Variants in MRPS14 observed in about 807,000 individuals in gnomAD.
The protein encoded by MRPS14 is small ribosomal subunit protein uS14m.
Under a neutral mutation model 16.4 loss-of-function variants are expected in MRPS14, and 14 were observed. The ratio of observed to expected loss-of-function variants is 0.85; its 90% CI spans 0.56 to 1.33. MRPS14 has a LOEUF of 1.33. Among genes scored for constraint, MRPS14 ranks in the 40% most tolerant of loss-of-function variants. The pLI is 0.00. For missense variants in MRPS14, 162 were observed against 176.8 expected, an observed-to-expected ratio of 0.92 and a Z score of 0.48; for synonymous variants, 54 against 61.9, an observed-to-expected ratio of 0.87 and a Z score of 0.60.
chr1:175,013,628 A>G lies in MRPS14; in HGVS notation c.*1041T>C, dbSNP rs1672824031. The G allele has an allele frequency of 6.6e-6, 1 of 152,178 alleles. No homozygotes were observed. The highest frequency in any genetic ancestry group is 2.4e-5 in the African/African-American group (1 of 41,432). The allele number at this position is 152,178 out of a possible 1,614,324, so 9.4% of individuals were successfully genotyped here. On this transcript the variant is annotated 3_prime_UTR_variant, in exon 3 of 3. Transcript: ENST00000476371. ...TGCCACACAGCTGTCACTTACCTGT[A>G]TTACAAACTGATGATGTCATTCCTG...
intron 1 of MRPS14, 84 bp downstream of exon 1, chr1:175,023,280 A>G (rs1673013649): frequency 1.9e-6 from 3 of 1,576,244 alleles, no homozygotes. Context: ...ACCGAGCACT[A>G]CAGGTGGCAG....
chr1:175,017,812 C>T (rs1231753050), intron 2 of MRPS14, among the ~76,000 whole-genome samples: 3 of 152,144 alleles, frequency 2.0e-5, no homozygotes, highest in Non-Finnish European at 4.4e-5. Context: ...GCAATGCCTC[C>T]CAATGCCTTG....
At position 175,013,547 on chromosome 1, in the gene MRPS14, T is replaced by G. The variant is rs1672821939; in HGVS notation, c.*1122A>C. 1 of 152,214 alleles carries G rather than the reference T, an allele frequency of 6.6e-6. No individual in the cohort carries two copies. 9.4% of individuals were successfully genotyped at this position (152,214 alleles called of 1,614,324 possible). A position where few individuals can be genotyped will look rare whatever the true frequency, so the allele number is the denominator to read the frequency against. Reference sequence around the variant, plus strand: ...TCAGGCCTTCATCTTCCTCAACAACTAAGACATCCTCCTAACTGGTTGTCT... The same window carrying G: ...TCAGGCCTTCATCTTCCTCAACAACGAAGACATCCTCCTAACTGGTTGTCT... On this transcript the variant is annotated 3_prime_UTR_variant, in exon 3 of 3. Transcript: ENST00000476371.
rs144024498 is a variant in MRPS14 at position 175,014,822 on chromosome 1, G to A, written c.234C>T (p.Leu78=). ...QDVADEEIAA[L]PRDSCPVRIR... ...TTCTAACAGGACAGCTATCCCGGGG[G>A]AGGGCAGCAATTTCTTCATCAGCCA... The change falls in exon 3 of 3, where the codon CTC becomes CTT. Residue 78 remains leucine, a synonymous_variant. Coordinates refer to ENST00000476371, the MANE Select transcript of MRPS14 (RefSeq NM_022100.3). The A allele has an allele frequency of 2.5e-5, 40 of 1,613,912 alleles. No homozygotes were observed. The highest frequency in any genetic ancestry group is 3.3e-5 in the Non-Finnish European group (39 of 1,179,984).
In MRPS14 at chr1:175,014,484, T is replaced by C. The variant is rs185719379; in HGVS notation, c.*185A>G. 1 of 540,648 alleles carries C rather than the reference T, an allele frequency of 1.8e-6. No individual in the cohort carries two copies. Among genetic ancestry groups the C allele is most frequent in the Non-Finnish European group, 3.2e-6 (1 of 312,324 alleles). 33.5% of individuals were successfully genotyped at this position (540,648 alleles called of 1,614,324 possible). A position where few individuals can be genotyped will look rare whatever the true frequency, so the allele number is the denominator to read the frequency against. ...TGTTTGTTAAGTCCAAGAGAAAAGA[T>C]AATTCACTGACATGAAACACCCAAA... On this transcript the variant is annotated 3_prime_UTR_variant, in exon 3 of 3. Transcript: ENST00000476371.
chr1:175,023,369 T>C lies in MRPS14; in HGVS notation c.40A>G (p.Lys14Glu), dbSNP rs1260870156. The C allele has an allele frequency of 9.3e-6, 15 of 1,613,968 alleles. No homozygotes were observed. Among genetic ancestry groups the C allele is most frequent in the Non-Finnish European group, 1.2e-5 (14 of 1,180,034 alleles). Residue 14 changes from lysine (K) to glutamate (E), a missense_variant, in exon 1 of 3, where the codon AAG becomes GAG. Coordinates refer to ENST00000476371, the MANE Select transcript of MRPS14 (RefSeq NM_022100.3). ...GATAAAAGTAGAGGCCTGACCTGCT[T>C]GAACGTCCGCAGCAGCGAGCCCAGC... ...FMLGSLLRTF[K>E]QMVPSSASGQ...
At chr1:175,023,189 T>G in intron 1 of MRPS14, 175 bp downstream of exon 1, 2 of 1,478,212 alleles carry the variant, frequency 1.4e-6, no homozygotes, top group Non-Finnish European at 1.8e-6. Flanking sequence ...GAAAACCAAA[T>G]TGACATCTGC....
At position 175,014,929 on chromosome 1, in the gene MRPS14, T is replaced by TTTTC. The variant is rs1367317747; in HGVS notation, c.205-82_205-79dup. On this transcript the variant is annotated intron_variant, in intron 2 of 2. Transcript: ENST00000476371. ...TTTGCTCCTTCTCACTTGCAGGTAA[T>TTTTC]TTTCTTTTCTTTTTTTTTTTTTTTT... 1.7e-5 allele frequency: 20 copies of TTTTC among 1,200,092 alleles called. No homozygotes were observed. The East Asian group carries it at 2.6e-4, about 16-fold the overall frequency. The allele number at this position is 1,200,092 out of a possible 1,614,324, so 74.3% of individuals were successfully genotyped here. A position where few individuals can be genotyped will look rare whatever the true frequency, so the allele number is the denominator to read the frequency against.
At chr1:175,020,690 G>A (rs1245899417) in intron 1 of MRPS14, among the ~76,000 whole-genome samples, 2 of 152,138 alleles carry the variant, frequency 1.3e-5, no homozygotes, top group East Asian at 3.9e-4. Context: ...GTTATTTTTA[G>A]TAGAGATGTG....
At position 175,014,640 on chromosome 1, in the gene MRPS14, C is replaced by G; in HGVS notation, c.*29G>C. On this transcript the variant is annotated 3_prime_UTR_variant, in exon 3 of 3. Coordinates refer to ENST00000476371, the MANE Select transcript of MRPS14 (RefSeq NM_022100.3). ...TGCTGGAACTGCAAGCTTGGCTTCC[C>G]TGCAAGCTCAATAGGTTCTGGAGCT... The G allele has an allele frequency of 1.3e-6, 2 of 1,566,850 alleles. No homozygotes were observed. Among genetic ancestry groups the G allele is most frequent in the Non-Finnish European group, 1.7e-6 (2 of 1,158,430 alleles).
At chr1:175,023,018 C>T (rs541166818) in intron 1 of MRPS14, among the ~76,000 whole-genome samples, 1 of 152,276 alleles carries the variant, frequency 6.6e-6, no homozygotes, top group South Asian at 2.1e-4. Flanking sequence ...TTTCCATCTC[C>T]CTAGCTGACA....
At chr1:175,018,237 AG>A (rs1409601747) in intron 2 of MRPS14, among the ~76,000 whole-genome samples, 180 bp downstream of exon 2, 1 of 152,178 alleles carries the variant, frequency 6.6e-6, no homozygotes, top group African/African-American at 2.4e-5. Flanking sequence ...GCTAGTTAGG[AG>A]TGAATAGTCT....
At chr1:175,022,447 T>C (rs113744897) in intron 1 of MRPS14, 1 of 147,206 alleles carries the variant, frequency 6.8e-6, no homozygotes, top group Non-Finnish European at 1.5e-5. Context: ...CTCTCTCTTT[T>C]TTTTTTTTTT....
Position 175,014,634 on chromosome 1 carries a change from G to A in MRPS14, c.*35C>T. 4 of 1,561,488 alleles carry A rather than the reference G, an allele frequency of 2.6e-6. No homozygotes were observed. The highest frequency in any genetic ancestry group is 1.2e-5 in the South Asian group (1 of 85,062). ...TTTGCTTGCTGGAACTGCAAGCTTG[G>A]CTTCCCTGCAAGCTCAATAGGTTCT... On this transcript the variant is annotated 3_prime_UTR_variant, in exon 3 of 3. Coordinates refer to ENST00000476371, the MANE Select transcript of MRPS14 (RefSeq NM_022100.3).
intron 2 of MRPS14, among the ~76,000 whole-genome samples, chr1:175,017,185 G>T (rs1672896662): frequency 1.3e-5 from 2 of 152,044 alleles, no homozygotes; most frequent in South Asian, 4.1e-4. Context: ...CTCCCGAGTA[G>T]CTGGGATTAC....
intron 1 of MRPS14, among the ~76,000 whole-genome samples, chr1:175,020,125 C>G (rs529109681): frequency 5.3e-4 from 80 of 152,220 alleles, no homozygotes; most frequent in African/African-American, 1.9e-3. Flanking sequence ...CATGGATGGA[C>G]ATGCTTGTCA....
chr1:175,021,490 C>T (rs1672976913), intron 1 of MRPS14, among the ~76,000 whole-genome samples: 1 of 152,050 alleles, frequency 6.6e-6, no homozygotes, highest in South Asian at 2.1e-4. Flanking sequence ...CTTTGTATAT[C>T]TCAACTCATT....
At chr1:175,017,770 G>C (rs1158291472) in intron 2 of MRPS14, among the ~76,000 whole-genome samples, 2 of 152,122 alleles carry the variant, frequency 1.3e-5, no homozygotes, top group African/African-American at 4.8e-5. Flanking sequence ...AACAGTTTAG[G>C]CCGCGTACCA....
At chr1:175,020,145 G>A (rs962119350) in intron 1 of MRPS14, among the ~76,000 whole-genome samples, 8 of 152,126 alleles carry the variant, frequency 5.3e-5, no homozygotes, top group Admixed American at 4.6e-4. Flanking sequence ...ACAGAAAGAG[G>A]GGCTTTGAAA....
Sources: gnomAD v4.1 joint callset for allele counts (sites outside exome capture counted in the v4.1 genomes callset) on GRCh38, gnomAD v4.1.1 for gene constraint, MANE v1.5 for transcripts, NCBI Gene and HGNC (gene_info 2026-07-23, HGNC 2026-07-21) for gene names.